Variants in VWF observed in about 807,000 individuals in gnomAD.
VWF encodes von Willebrand factor, also known as Factor VIII related antigen.
VWF carries 176 observed loss-of-function variants against 308.6 expected under a neutral mutation model. That is an observed-to-expected ratio of 0.57 (90% confidence interval 0.50 to 0.65). The LOEUF is 0.65. Among genes scored for constraint, VWF ranks in the 30% least tolerant of loss-of-function variants. The pLI, the probability that VWF is intolerant of heterozygous loss-of-function variation, is 0.00. For synonymous variants in VWF, 1,385 were observed against 1,443.4 expected (o/e 0.96, Z 0.92); for missense variants, 3,146 against 3,648.2 (o/e 0.86, Z 3.55).
chr12:6,027,618 G>A (rs76100694), intron 22 of VWF, among the ~76,000 whole-genome samples: 4,974 of 152,160 alleles, frequency 0.033, 249 homozygotes, highest in African/African-American at 0.11. Flanking sequence ...CATTGCCAGC[G>A]TTGAATATGG....
chr12:5,974,685 T>C (rs1370564889), intron 43 of VWF, among the ~76,000 whole-genome samples: 1 of 152,136 alleles, frequency 6.6e-6, no homozygotes, highest in African/African-American at 2.4e-5. Flanking sequence ...AAGCTGTGTG[T>C]AAACAAAATG....
intron 47 of VWF, among the ~76,000 whole-genome samples, chr12:5,961,265 T>C (rs531769279): frequency 1.3e-5 from 2 of 152,168 alleles, no homozygotes; most frequent in Non-Finnish European, 2.9e-5. Flanking sequence ...ACATAATGCA[T>C]CTGACTCATC....
chr12:6,086,100 T>TG (rs929202718), intron 6 of VWF, among the ~76,000 whole-genome samples: 1 of 152,044 alleles, frequency 6.6e-6, no homozygotes, highest in Non-Finnish European at 1.5e-5. Flanking sequence ...TGCCTATCCA[T>TG]GGGGGGTTCC....
At chr12:5,983,965 T>A (rs1429458206) in intron 40 of VWF, among the ~76,000 whole-genome samples, 1 of 131,678 alleles carries the variant, frequency 7.6e-6, no homozygotes, top group Non-Finnish European at 1.6e-5. Context: ...ATAGGATGGA[T>A]GGATAGATGG....
rs1363257546 is a variant in VWF at position 6,063,142 on chromosome 12, C to A, written c.1433-88G>T. On this transcript the variant is annotated intron_variant, in intron 12 of 51. Coordinates refer to ENST00000261405, the MANE Select transcript of VWF (RefSeq NM_000552.5). The surrounding 1 kb of genome is among the most constrained non-coding windows in gnomAD (Gnocchi z 4.9). Reference sequence around the variant, plus strand: ...ATGTATTTGGGAGGAAATGGGGTGTCTCAAAAGGATGGTAGCACTGAAGAG... The same window carrying A: ...ATGTATTTGGGAGGAAATGGGGTGTATCAAAAGGATGGTAGCACTGAAGAG... 9.2e-7 allele frequency: 1 copy of A among 1,090,104 alleles called. No homozygotes were observed. The highest frequency in any genetic ancestry group is 1.9e-5 in the Admixed American group (1 of 52,298). 67.5% of individuals were successfully genotyped at this position (1,090,104 alleles called of 1,614,324 possible). A position where few individuals can be genotyped will look rare whatever the true frequency, so the allele number is the denominator to read the frequency against.
intron 44 of VWF, among the ~76,000 whole-genome samples, chr12:5,970,357 T>G (rs1262105424): frequency 6.6e-6 from 1 of 152,094 alleles, no homozygotes; most frequent in Non-Finnish European, 1.5e-5. Context: ...GAAGCCCAGG[T>G]CACCTTATGC....
At chr12:5,970,567 A>G (rs1182265758) in intron 44 of VWF, among the ~76,000 whole-genome samples, 1 of 152,196 alleles carries the variant, frequency 6.6e-6, no homozygotes, top group Non-Finnish European at 1.5e-5. Flanking sequence ...GAGCAGAAGC[A>G]CTAAAAGGTG....
chr12:5,949,749 C>T (rs1162543176), intron 51 of VWF, 37 bp downstream of exon 51: 1 of 1,598,944 alleles, frequency 6.3e-7, no homozygotes, highest in Admixed American at 1.7e-5. Context: ...GAGGCTCAGC[C>T]CTCCACACCC....
At chr12:6,115,267 G>A (rs1224849162) in intron 3 of VWF, among the ~76,000 whole-genome samples, 1 of 152,150 alleles carries the variant, frequency 6.6e-6, no homozygotes, top group Non-Finnish European at 1.5e-5. Context: ...TCGAACTCCT[G>A]GGCTCAAGCA....
chr12:5,967,462 C>G (rs200573272), intron 47 of VWF, 24 bp downstream of exon 47: 2 of 1,607,442 alleles, frequency 1.2e-6, no homozygotes, highest in Non-Finnish European at 1.7e-6. Context: ...TCCATGCCCT[C>G]GGTCCCCATT....
chr12:6,027,536 C>T (rs74731445), intron 22 of VWF, among the ~76,000 whole-genome samples: 4,956 of 152,088 alleles, frequency 0.033, 246 homozygotes, highest in African/African-American at 0.11. Context: ...CAGAGGGAGG[C>T]AGGAGGGTCA....
chr12:6,033,033 C>T (rs1944290421), intron 20 of VWF, among the ~76,000 whole-genome samples: 1 of 149,142 alleles, frequency 6.7e-6, no homozygotes, highest in Admixed American at 6.8e-5. Context: ...CACAGACATG[C>T]TCATGCATAC....
intron 6 of VWF, among the ~76,000 whole-genome samples, chr12:6,093,636 A>C (rs191365056): frequency 2.6e-5 from 4 of 152,292 alleles, no homozygotes; most frequent in Non-Finnish European, 5.9e-5. Flanking sequence ...AAAGGGCAAC[A>C]ACCCCTGTTC....
At chr12:5,976,976 G>A (rs1371970270) in intron 42 of VWF, among the ~76,000 whole-genome samples, 1 of 152,212 alleles carries the variant, frequency 6.6e-6, no homozygotes, top group Non-Finnish European at 1.5e-5. Flanking sequence ...TTAATCCCAA[G>A]TATGCCCTCC....
At chr12:6,043,228 T>A (rs1385358972) in intron 18 of VWF, among the ~76,000 whole-genome samples, 1 of 151,904 alleles carries the variant, frequency 6.6e-6, no homozygotes, top group Non-Finnish European at 1.5e-5. Flanking sequence ...GAAGAAAGAG[T>A]TGAAGGGGAA....
rs1944713287 is a variant in VWF, at chr12:6,066,302, T to C, written c.1157-1029A>G. Reference sequence around the variant, plus strand: ...GCAATCCCATCTTCAGGGCCAAACATGGACCCATCAAAGCTGAAAAGGGCA... The same window carrying C: ...GCAATCCCATCTTCAGGGCCAAACACGGACCCATCAAAGCTGAAAAGGGCA... On this transcript the variant is annotated intron_variant, in intron 10 of 51. Coordinates refer to ENST00000261405, the MANE Select transcript of VWF (RefSeq NM_000552.5). Among the ~76,000 whole-genome samples the C allele has an allele frequency of 2.0e-5, 3 of 152,178 alleles. No individual in the cohort carries two copies. The South Asian group carries it at 6.2e-4, about 31-fold the overall frequency.
At position 6,068,832 on chromosome 12, in the gene VWF, T is replaced by TG. The variant is rs1565851315; in HGVS notation, c.1156+2464_1156+2465insC. 5.1e-3 allele frequency among the ~76,000 whole-genome samples: 519 copies of TG among 100,968 alleles called. 1 individual carries two copies. The highest frequency in any genetic ancestry group is 0.027 in the African/African-American group (485 of 17,674). The allele number at this position is 100,968 out of a possible 152,430, so 66.2% of individuals were successfully genotyped here. ...CTTTTTCTTCCTTTTTTTTTTTTTT[T>TG]TGCGTGTGTGTGTGTGTGTGTGTGT... On this transcript the variant is annotated intron_variant, in intron 10 of 51. Coordinates refer to ENST00000261405, the MANE Select transcript of VWF (RefSeq NM_000552.5).
intron 11 of VWF, 23 bp downstream of exon 11, chr12:6,065,114 G>A (rs1944697410): frequency 6.2e-7 from 1 of 1,614,076 alleles, no homozygotes; most frequent in East Asian, 2.2e-5. Context: ...CACCCGACCA[G>A]CAGCCGGGCT....
chr12:6,068,868 A>G (rs7306354), intron 10 of VWF, among the ~76,000 whole-genome samples: 3,303 of 83,670 alleles, frequency 0.039, 158 homozygotes, highest in African/African-American at 0.16. Flanking sequence ...GTGTGTGTGT[A>G]TGTGTGTGTG....
Sources: gnomAD v4.1 joint callset for allele counts (sites outside exome capture counted in the v4.1 genomes callset) on GRCh38, gnomAD v4.1.1 for gene constraint, Gnocchi (gnomAD v3.1) non-coding constraint, MANE v1.5 for transcripts, NCBI Gene and HGNC (gene_info 2026-07-23, HGNC 2026-07-21) for gene names.